The following BCL9 variants were observed in gnomAD, a reference collection of about 807,000 sequenced individuals.
The protein encoded by BCL9 is BCL9 transcription coactivator.
BCL9 carries 25 observed loss-of-function variants against 88.5 expected under a neutral mutation model. The observed-to-expected ratio is 0.28, with a 90% CI of 0.21 to 0.39. BCL9 has a LOEUF of 0.39. Among genes scored for constraint, BCL9 ranks in the 10% least tolerant of loss-of-function variants. The pLI is 1.00. For synonymous variants in BCL9, 711 were observed against 673.3 expected, an observed-to-expected ratio of 1.06 and a Z score of -0.87; for missense variants, 1,817 against 1,877.8, an observed-to-expected ratio of 0.97 and a Z score of 0.60.
In BCL9 at chr1:147,624,217, C is replaced by A. The variant is rs782367122; in HGVS notation, c.3539C>A (p.Pro1180His). Reference sequence around the variant, plus strand: ...CCAGGAGAAGGCCCCCTTGGCCGCCCCAGCAACCTGCCCCAAAGTTCAGCA... The same window carrying A: ...CCAGGAGAAGGCCCCCTTGGCCGCCACAGCAACCTGCCCCAAAGTTCAGCA... The part of the protein sequence containing the change: ...GFPGEGPLGR[P>H]SNLPQSSADA... The change falls in exon 10 of 10, where the codon CCC becomes CAC. Residue 1180 changes from proline (P) to histidine (H), a missense_variant. Pro to His is a moderately conservative substitution (Grantham distance 77). This residue lies in a region of BCL9 where 589 missense variants were observed against 686.2 expected (regional missense o/e 0.86). Transcript: ENST00000234739. The surrounding 1 kb of genome is among the most constrained non-coding windows in gnomAD (Gnocchi z 4.4). 1 of 1,611,880 alleles carries A rather than the reference C, an allele frequency of 6.2e-7. No homozygotes were observed. The highest frequency in any genetic ancestry group is 1.3e-5 in the African/African-American group (1 of 74,884).
At chr1:147,595,499 A>G (rs782314823) in intron 1 of BCL9, among the ~76,000 whole-genome samples, 1 of 152,352 alleles carries the variant, frequency 6.6e-6, no homozygotes, top group African/African-American at 2.4e-5. Flanking sequence ...ATCTAGGAGA[A>G]TGAAACAAAA....
chr1:147,596,515 G>A (rs1450559728), intron 1 of BCL9, among the ~76,000 whole-genome samples: 5 of 148,660 alleles, frequency 3.4e-5, no homozygotes, highest in Non-Finnish European at 5.9e-5. Flanking sequence ...CCGGGTTCAC[G>A]CCATTCTCCT....
chr1:147,598,430 A>C (rs1397793304), intron 1 of BCL9, among the ~76,000 whole-genome samples: 1 of 152,156 alleles, frequency 6.6e-6, no homozygotes, highest in Non-Finnish European at 1.5e-5. Flanking sequence ...ATGGTAACTT[A>C]CGTTGACCAG....
intron 1 of BCL9, among the ~76,000 whole-genome samples, chr1:147,543,603 G>T (rs369359191): frequency 6.6e-6 from 1 of 152,164 alleles, no homozygotes; most frequent in Admixed American, 6.5e-5. Flanking sequence ...TATAGTCAGA[G>T]ATCTTACCAT....
At chr1:147,595,487 A>C (rs1657005251) in intron 1 of BCL9, among the ~76,000 whole-genome samples, 3 of 152,248 alleles carry the variant, frequency 2.0e-5, no homozygotes, top group Non-Finnish European at 4.4e-5. Flanking sequence ...TCCTAGGGAA[A>C]TATCTAGGAG....
At chr1:147,614,361 G>C in intron 5 of BCL9, 66 bp from the exon 6 acceptor site, 1 of 1,504,416 alleles carries the variant, frequency 6.6e-7, no homozygotes, top group Non-Finnish European at 9.2e-7. Flanking sequence ...GTGTTGTGAT[G>C]CTATATATGC....
intron 1 of BCL9, among the ~76,000 whole-genome samples, chr1:147,562,195 G>A (rs1655409034): frequency 2.0e-5 from 3 of 152,162 alleles, no homozygotes; most frequent in African/African-American, 7.2e-5. Context: ...AGGAGTGGTG[G>A]CGCATGCCTG....
At chr1:147,614,716 A>C in intron 6 of BCL9, 100 bp downstream of exon 6, 1 of 1,283,488 alleles carries the variant, frequency 7.8e-7, no homozygotes, top group Non-Finnish European at 1.1e-6. Context: ...CCTAAAGTTA[A>C]CAGTACAGAT....
At chr1:147,577,004 A>C (rs1455284054) in intron 1 of BCL9, among the ~76,000 whole-genome samples, 2 of 152,166 alleles carry the variant, frequency 1.3e-5, no homozygotes, top group African/African-American at 4.8e-5. Context: ...TTGGATGATG[A>C]TTTTAGTGCA....
rs1658471089 is a variant in BCL9, at chr1:147,619,298, A to G, written c.1143A>G (p.Thr381=). The change falls in exon 8 of 10, where the codon ACA becomes ACG. Residue 381 remains threonine, a synonymous_variant. Coordinates refer to ENST00000234739, the MANE Select transcript of BCL9 (RefSeq NM_004326.4). This position sits in a 1 kb window ranked among gnomAD's most constrained non-coding sequence, Gnocchi z 4.1. ...TTTTTCCTGATGAGAAAGAATTCAC[A>G]GGAGCACAAAGTGGGGGACCGCAGC... The part of the protein sequence containing the change: ...RMLFPDEKEF[T]GAQSGGPQQN... 6.2e-7 allele frequency: 1 copy of G among 1,614,012 alleles called. No homozygotes were observed. Among genetic ancestry groups the G allele is most frequent in the African/African-American group, 1.3e-5 (1 of 74,922 alleles).
intron 1 of BCL9, among the ~76,000 whole-genome samples, chr1:147,593,802 AATAAGTAATTGAAAAACAAAAGAT>A (rs1379459091): frequency 1.3e-5 from 2 of 152,228 alleles, no homozygotes; most frequent in African/African-American, 4.8e-5. Flanking sequence ...TATTGCAATG[AATAAGTAATTGAAAAACAAAAGAT>A]ATGTGAGATT....
At chr1:147,603,101 TC>T (rs1657486101) in intron 1 of BCL9, among the ~76,000 whole-genome samples, 1 of 152,246 alleles carries the variant, frequency 6.6e-6, no homozygotes, top group South Asian at 2.1e-4. Context: ...GCCCAACTCT[TC>T]CAATTTCTGT....
At chr1:147,553,126 A>G (rs1331845207) in intron 1 of BCL9, among the ~76,000 whole-genome samples, 1 of 152,146 alleles carries the variant, frequency 6.6e-6, no homozygotes, top group African/African-American at 2.4e-5. Flanking sequence ...TTGTTCAGTT[A>G]TATTGAGTTT....
In BCL9 at chr1:147,619,971, C is replaced by T; in HGVS notation, c.1816C>T (p.Pro606Ser). 6.2e-7 allele frequency: 1 copy of T among 1,614,206 alleles called. No homozygotes were observed. ...AAAAATCCCAGATGGTCGAAATTTTCCTCCTGGCCAGGGCATTTTCAGCGG... is the reference window on the plus strand; with the variant it reads ...AAAAATCCCAGATGGTCGAAATTTTTCTCCTGGCCAGGGCATTTTCAGCGG... ...VPKIPDGRNF[P>S]PGQGIFSGPG... The change falls in exon 8 of 10, where the codon CCT (proline) becomes TCT (serine). Residue 606 changes from proline (P) to serine (S), a missense_variant. Coordinates refer to ENST00000234739, the MANE Select transcript of BCL9 (RefSeq NM_004326.4). This position sits in a 1 kb window ranked among gnomAD's most constrained non-coding sequence, Gnocchi z 4.1.
At chr1:147,558,950 C>T (rs1179231061) in intron 1 of BCL9, among the ~76,000 whole-genome samples, 1 of 152,154 alleles carries the variant, frequency 6.6e-6, no homozygotes, top group African/African-American at 2.4e-5. Flanking sequence ...CCTCCTCCCC[C>T]TACTTCATCT....
chr1:147,570,238 T>C (rs2101526413), intron 1 of BCL9, among the ~76,000 whole-genome samples: 1 of 152,240 alleles, frequency 6.6e-6, no homozygotes, highest in South Asian at 2.1e-4. Context: ...AGAGAAAGTC[T>C]TGGGATGGGA....
intron 3 of BCL9, 108 bp from the exon 4 acceptor site, chr1:147,611,470 C>G (rs1553202585): frequency 2.1e-5 from 6 of 291,254 alleles, no homozygotes; most frequent in Middle Eastern, 1.0e-3. Context: ...GAGGCATGGT[C>G]TAGCTGCTTC....
chr1:147,574,340 A>G (rs1276500629), intron 1 of BCL9, among the ~76,000 whole-genome samples: 2 of 152,188 alleles, frequency 1.3e-5, no homozygotes, highest in Admixed American at 1.3e-4. Context: ...GTGCAATGTG[A>G]GTGGACAATG....
At chr1:147,548,143 T>C (rs1285035723) in intron 1 of BCL9, among the ~76,000 whole-genome samples, 1 of 152,194 alleles carries the variant, frequency 6.6e-6, no homozygotes, top group Non-Finnish European at 1.5e-5. Context: ...ATACTAGATA[T>C]GTTGGACTTT....
Sources: gnomAD v4.1 joint callset for allele counts (sites outside exome capture counted in the v4.1 genomes callset) on GRCh38, gnomAD v4.1.1 for gene constraint, gnomAD v4.1.1 regional missense constraint, Gnocchi (gnomAD v3.1) non-coding constraint, MANE v1.5 for transcripts, NCBI Gene and HGNC (gene_info 2026-07-23, HGNC 2026-07-21) for gene names.